Variants in SEZ6L observed in about 807,000 individuals in gnomAD.
SEZ6L encodes seizure related 6 homolog like, also known as seizure 6-like protein.
SEZ6L carries 37 observed loss-of-function variants against 106.2 expected under a neutral mutation model. That is an observed-to-expected ratio of 0.35 (90% confidence interval 0.27 to 0.46). The LOEUF is 0.46. Among genes scored for constraint, SEZ6L ranks in the 20% least tolerant of loss-of-function variants. The pLI, the probability that SEZ6L is intolerant of heterozygous loss-of-function variation, is 1.00. For missense variants in SEZ6L, 1,172 were observed against 1,332.8 expected (o/e 0.88, Z 1.88); for synonymous variants, 541 against 570.4 (o/e 0.95, Z 0.73).
intron 11 of SEZ6L, among the ~76,000 whole-genome samples, chr22:26,348,646 A>AAGAG (rs1556371589): frequency 9.1e-4 from 7 of 7,694 alleles, no homozygotes; most frequent in Middle Eastern, 0.1. Context: ...GAAAGAAAGA[A>AAGAG]AAAGAAAGAA....
chr22:26,372,066 C>T lies in SEZ6L; in HGVS notation c.2795-1385C>T, dbSNP rs561055493. On this transcript the variant is annotated intron_variant, in intron 13 of 16. Transcript: ENST00000248933. ...GACCACCTGTGTGACCTTGAGTGAG[C>T]CCCCCTCCCTCTCTGACCTTGGTTT... Among the ~76,000 whole-genome samples the T allele has an allele frequency of 1.8e-3, 281 of 152,286 alleles. 1 individual carries two copies. The highest frequency in any genetic ancestry group is 4.8e-3 in the Admixed American group (73 of 15,296).
intron 1 of SEZ6L, among the ~76,000 whole-genome samples, chr22:26,218,919 C>A (rs181073222): frequency 1.3e-5 from 2 of 151,540 alleles, no homozygotes; most frequent in Non-Finnish European, 2.9e-5. Flanking sequence ...GCCTAGGCAA[C>A]GGAATGAGAC....
chr22:26,272,947 C>G (rs1268975452), intron 1 of SEZ6L, among the ~76,000 whole-genome samples: 1 of 152,196 alleles, frequency 6.6e-6, no homozygotes, highest in African/African-American at 2.4e-5. Flanking sequence ...TAGAAAGCAA[C>G]AGTCCCCACA....
intron 9 of SEZ6L, among the ~76,000 whole-genome samples, chr22:26,331,957 C>A (rs1235479563): frequency 6.6e-6 from 1 of 151,876 alleles, no homozygotes; most frequent in Non-Finnish European, 1.5e-5. Flanking sequence ...TGCACTCCAG[C>A]CCGGGCAACA....
At chr22:26,204,054 T>G (rs578239084) in intron 1 of SEZ6L, among the ~76,000 whole-genome samples, 1 of 152,356 alleles carries the variant, frequency 6.6e-6, no homozygotes, top group East Asian at 1.9e-4. Context: ...GAACTTACTC[T>G]GCAATTCTAG....
intron 1 of SEZ6L, among the ~76,000 whole-genome samples, chr22:26,200,553 T>C (rs889645702): frequency 1.3e-5 from 2 of 152,044 alleles, no homozygotes; most frequent in African/African-American, 4.8e-5. Flanking sequence ...GCTACTGGAG[T>C]CCCTATGTGA....
In SEZ6L at chr22:26,302,952, C is replaced by T. The variant is rs78320346; in HGVS notation, c.1349-3027C>T. On this transcript the variant is annotated intron_variant, in intron 5 of 16. Transcript: ENST00000248933. ...GCTCCTGAGCCACAGGGCAATAGAG[C>T]TGGCTATGTTTTGAGTGCCCACTCT... 7.8e-3 allele frequency among the ~76,000 whole-genome samples: 1,191 copies of T among 152,352 alleles called. 9 individuals carry two copies. Among genetic ancestry groups the T allele is most frequent in the African/African-American group, 0.022 (917 of 41,588 alleles).
At position 26,347,753 on chromosome 22, in the gene SEZ6L, C is replaced by T. The variant is rs773452656; in HGVS notation, c.2247C>T (p.Pro749=). ...GGAATGACTCCTGCTCGGATTTACC[C>T]GAGATCCAGAATGGCTGGAAAACCA... is the stretch of plus-strand genomic sequence containing the variant. ...VSRNDSCSDL[P]EIQNGWKTTS... Residue 749 remains proline (P), a synonymous_variant, in exon 11 of 17, where the codon CCC becomes CCT. Coordinates refer to ENST00000248933, the MANE Select transcript of SEZ6L (RefSeq NM_021115.5). The T allele has an allele frequency of 1.4e-5, 22 of 1,609,524 alleles. No individual in the cohort carries two copies. Among genetic ancestry groups the T allele is most frequent in the East Asian group, 1.4e-4 (6 of 44,390 alleles).
chr22:26,226,639 G>A (rs1278699283), intron 1 of SEZ6L, among the ~76,000 whole-genome samples: 3 of 152,156 alleles, frequency 2.0e-5, no homozygotes, highest in African/African-American at 7.2e-5. Context: ...GGCAGAAACT[G>A]TGGATAAGTT....
chr22:26,375,950 A>T (rs1166697244), intron 15 of SEZ6L, among the ~76,000 whole-genome samples: 1 of 152,260 alleles, frequency 6.6e-6, no homozygotes, highest in African/African-American at 2.4e-5. Context: ...GCACACAGAC[A>T]TAACATATTG....
intron 12 of SEZ6L, among the ~76,000 whole-genome samples, chr22:26,358,148 G>A (rs183678948): frequency 5.9e-5 from 9 of 152,306 alleles, no homozygotes; most frequent in Non-Finnish European, 7.4e-5. Flanking sequence ...CTGAGTTCCC[G>A]TCCTCATTTA....
chr22:26,198,317 G>A (rs747038293), intron 1 of SEZ6L, among the ~76,000 whole-genome samples: 13 of 152,194 alleles, frequency 8.5e-5, no homozygotes, highest in Admixed American at 6.5e-5. Context: ...ACATGTAAAA[G>A]TACTTCAGAA....
intron 1 of SEZ6L, among the ~76,000 whole-genome samples, chr22:26,262,246 A>ATCTATCTG (rs2080036048): frequency 1.6e-5 from 2 of 122,438 alleles, no homozygotes; most frequent in Non-Finnish European, 3.8e-5. Context: ...GATATATTTT[A>ATCTATCTG]TCTATCTATC....
intron 6 of SEZ6L, 149 bp from the exon 7 acceptor site, chr22:26,310,521 A>G (rs2081787589): frequency 6.1e-6 from 5 of 824,860 alleles, no homozygotes; most frequent in Non-Finnish European, 9.3e-6. Flanking sequence ...GGGCAACAAG[A>G]GTGAAACTCT....
At chr22:26,277,989 G>A (rs1185058559) in intron 1 of SEZ6L, among the ~76,000 whole-genome samples, 1 of 152,238 alleles carries the variant, frequency 6.6e-6, no homozygotes, top group Non-Finnish European at 1.5e-5. Flanking sequence ...TATCTTAGAA[G>A]AGAGGGAAAG....
intron 1 of SEZ6L, among the ~76,000 whole-genome samples, chr22:26,207,190 T>C (rs913151732): frequency 2.0e-5 from 3 of 152,202 alleles, no homozygotes; most frequent in Non-Finnish European, 2.9e-5. Flanking sequence ...CCCACTATAA[T>C]TGTTAGGAGA....
At chr22:26,188,285 A>G (rs1046127117) in intron 1 of SEZ6L, among the ~76,000 whole-genome samples, 1 of 152,158 alleles carries the variant, frequency 6.6e-6, no homozygotes, top group Non-Finnish European at 1.5e-5. Context: ...TAAAATAACA[A>G]ATATTTACTA....
At position 26,306,789 on chromosome 22, in the gene SEZ6L, T is replaced by C. The variant is rs957875815; in HGVS notation, c.1514+645T>C. On this transcript the variant is annotated intron_variant, in intron 6 of 16. Transcript: ENST00000248933. ...TGTTCTGAAATATTCTGGTATCTTA[T>C]TCTGGGATATTCTGGCGTCTTATTC... Among the ~76,000 whole-genome samples the C allele has an allele frequency of 3.3e-5, 5 of 152,232 alleles. No individual in the cohort carries two copies. The South Asian group carries it at 6.2e-4, about 19-fold the overall frequency.
At chr22:26,315,682 T>C (rs1211533590) in intron 9 of SEZ6L, among the ~76,000 whole-genome samples, 1 of 152,130 alleles carries the variant, frequency 6.6e-6, no homozygotes, top group South Asian at 2.1e-4. Flanking sequence ...TCTCCTGTAA[T>C]GGGGGTCTTG....
Sources: gnomAD v4.1 joint callset for allele counts (sites outside exome capture counted in the v4.1 genomes callset) on GRCh38, gnomAD v4.1.1 for gene constraint, MANE v1.5 for transcripts, NCBI Gene and HGNC (gene_info 2026-07-23, HGNC 2026-07-21) for gene names.